Variants in CCDC146 observed in about 807,000 individuals in gnomAD.
CCDC146 encodes the protein coiled-coil domain-containing protein 146.
In CCDC146, 92 loss-of-function variants were observed where a neutral mutation model predicts 119.3. The observed-to-expected ratio is 0.77, with a 90% CI of 0.65 to 0.92. The LOEUF is 0.92. CCDC146 is among the 40% of genes least tolerant of loss of function. CCDC146 has a pLI of 0.00. For synonymous variants in CCDC146, 372 were observed against 371.8 expected (o/e 1.00, Z -0.01); for missense variants, 1,000 against 1,103.0 (o/e 0.91, Z 1.32).
At chr7:77,265,556 G>A (rs1046108983) in intron 9 of CCDC146, among the ~76,000 whole-genome samples, 6 of 78,960 alleles carry the variant, frequency 7.6e-5, no homozygotes, top group African/African-American at 2.4e-4. Context: ...GGTTCTAAAA[G>A]ACTACACACA....
At chr7:77,284,072 C>T (rs1372146072) in intron 15 of CCDC146, among the ~76,000 whole-genome samples, 1 of 152,204 alleles carries the variant, frequency 6.6e-6, no homozygotes, top group African/African-American at 2.4e-5. Flanking sequence ...AGCCTGCACA[C>T]ACAGTGCCTG....
chr7:77,256,409 A>C lies in CCDC146; in HGVS notation c.584A>C (p.Glu195Ala). The C allele has an allele frequency of 6.2e-7, 1 of 1,607,012 alleles. No individual in the cohort carries two copies. The highest frequency in any genetic ancestry group is 1.1e-5 in the South Asian group (1 of 89,260). The change falls in exon 6 of 19, where the codon GAA becomes GCA. Residue 195 changes from glutamate (E) to alanine (A), a missense_variant. Around this residue, in one of 2 missense-constraint regions of CCDC146, gnomAD observed 985 missense variants for 1,045.3 expected, o/e 0.94. Coordinates refer to ENST00000285871, the MANE Select transcript of CCDC146 (RefSeq NM_020879.3). Reference protein sequence around the residue: ...LRKEIMQKKLEIKNLREDLAS... With the variant: ...LRKEIMQKKLAIKNLREDLAS... ...AAAGAAATAATGCAGAAGAAATTAG[A>C]AATTAAAAATTTACGAGAAGATTTG...
At chr7:77,147,610 G>T (rs1791041131) in intron 1 of CCDC146, among the ~76,000 whole-genome samples, 1 of 152,168 alleles carries the variant, frequency 6.6e-6, no homozygotes, top group African/African-American at 2.4e-5. Context: ...CTTTCTGTTT[G>T]TTAGTTTTCC....
chr7:77,275,461 T>C (rs1024893550), intron 11 of CCDC146, among the ~76,000 whole-genome samples: 1 of 152,234 alleles, frequency 6.6e-6, no homozygotes, highest in Non-Finnish European at 1.5e-5. Context: ...AAGGAGATCA[T>C]TGATAATGAT....
chr7:77,276,436 C>T (rs1205189672), intron 11 of CCDC146, among the ~76,000 whole-genome samples: 3 of 152,156 alleles, frequency 2.0e-5, no homozygotes, highest in Admixed American at 1.3e-4. Flanking sequence ...GCAGGCACTT[C>T]ACATCCCCCT....
chr7:77,266,387 T>C (rs1933390195), intron 9 of CCDC146, among the ~76,000 whole-genome samples: 1 of 152,210 alleles, frequency 6.6e-6, no homozygotes, highest in Non-Finnish European at 1.5e-5. Flanking sequence ...GAGCTTCACC[T>C]TTGAGTCAGG....
At chr7:77,167,587 A>G (rs1791354947) in intron 1 of CCDC146, 71 bp from the exon 2 acceptor site, 11 of 1,142,996 alleles carry the variant, frequency 9.6e-6, no homozygotes, top group Admixed American at 7.7e-5. Flanking sequence ...TATTTTTATT[A>G]TTTTCCATTA....
intron 1 of CCDC146, among the ~76,000 whole-genome samples, chr7:77,152,546 C>G (rs1013790632): frequency 6.6e-6 from 1 of 152,188 alleles, no homozygotes; most frequent in African/African-American, 2.4e-5. Context: ...GACTTGTATT[C>G]TTTTTAAGTC....
At chr7:77,221,709 G>A (rs901124197) in intron 2 of CCDC146, among the ~76,000 whole-genome samples, 3 of 152,136 alleles carry the variant, frequency 2.0e-5, no homozygotes, top group African/African-American at 7.2e-5. Context: ...AGACATATGA[G>A]CATGATTTCA....
intron 1 of CCDC146, among the ~76,000 whole-genome samples, chr7:77,137,471 T>C (rs1790876166): frequency 6.9e-6 from 1 of 144,298 alleles, no homozygotes; most frequent in Admixed American, 6.8e-5. Context: ...AATGGACAAG[T>C]GGAATGTGAA....
At chr7:77,142,009 T>C (rs979317150) in intron 1 of CCDC146, among the ~76,000 whole-genome samples, 8 of 152,204 alleles carry the variant, frequency 5.3e-5, no homozygotes, top group African/African-American at 1.9e-4. Flanking sequence ...TCCTGAATGG[T>C]ATTGCCTGGG....
chr7:77,186,936 A>G (rs759972542), intron 2 of CCDC146, among the ~76,000 whole-genome samples: 1 of 152,216 alleles, frequency 6.6e-6, no homozygotes, highest in African/African-American at 2.4e-5. Context: ...TGGTTGAAGT[A>G]TGCTGCTGGG....
At chr7:77,184,237 T>C (rs1435208357) in intron 2 of CCDC146, among the ~76,000 whole-genome samples, 2 of 152,232 alleles carry the variant, frequency 1.3e-5, no homozygotes, top group African/African-American at 4.8e-5. Context: ...TTATATATTC[T>C]CCTGGCTTCT....
chr7:77,293,259 CAA>C (rs1554363882), intron 18 of CCDC146, 59 bp downstream of exon 18: 4 of 776,610 alleles, frequency 5.2e-6, no homozygotes, highest in Non-Finnish European at 7.0e-6. Context: ...TGCATTCAGG[CAA>C]CCCACAGTTA....
At chr7:77,216,002 C>T (rs1280529586) in intron 2 of CCDC146, among the ~76,000 whole-genome samples, 1 of 151,986 alleles carries the variant, frequency 6.6e-6, no homozygotes, top group Non-Finnish European at 1.5e-5. Context: ...CCTAACCCCC[C>T]CACCTTGTTT....
At chr7:77,166,620 A>G (rs1383732285) in intron 1 of CCDC146, among the ~76,000 whole-genome samples, 2 of 151,896 alleles carry the variant, frequency 1.3e-5, no homozygotes, top group African/African-American at 4.8e-5. Context: ...GACATCAAAA[A>G]TATTTTCTTA....
At chr7:77,176,575 T>C (rs1411565272) in intron 2 of CCDC146, among the ~76,000 whole-genome samples, 2 of 152,170 alleles carry the variant, frequency 1.3e-5, no homozygotes, top group Admixed American at 6.5e-5. Context: ...GGGAAGTCTC[T>C]GGCTAGAGGT....
At chr7:77,217,240 C>CA (rs1792316795) in intron 2 of CCDC146, among the ~76,000 whole-genome samples, 1 of 151,956 alleles carries the variant, frequency 6.6e-6, no homozygotes, top group South Asian at 2.1e-4. Flanking sequence ...GAGACAGACA[C>CA]AATCCCAAGG....
chr7:77,189,773 A>T (rs2150423032), intron 2 of CCDC146, among the ~76,000 whole-genome samples: 1 of 152,280 alleles, frequency 6.6e-6, no homozygotes, highest in Admixed American at 6.5e-5. Context: ...TTTGCACCTA[A>T]TGTTCCCTTT....
Sources: gnomAD v4.1 joint callset for allele counts (sites outside exome capture counted in the v4.1 genomes callset) on GRCh38, gnomAD v4.1.1 for gene constraint, gnomAD v4.1.1 regional missense constraint, MANE v1.5 for transcripts, NCBI Gene and HGNC (gene_info 2026-07-23, HGNC 2026-07-21) for gene names.